The following BRD9 variants were observed in gnomAD, a reference collection of about 807,000 sequenced individuals.
The protein encoded by BRD9 is bromodomain-containing protein 9.
A neutral mutation model predicts 68.7 loss-of-function variants in BRD9; 47 were observed. The ratio of observed to expected loss-of-function variants is 0.68; its 90% CI spans 0.54 to 0.87. BRD9 has a LOEUF of 0.87. Among genes scored for constraint, BRD9 ranks in the 40% least tolerant of loss-of-function variants. The pLI, the probability that BRD9 is intolerant of heterozygous loss-of-function variation, is 0.00. For synonymous variants in BRD9, 313 were observed against 293.9 expected (o/e 1.06, Z -0.67); for missense variants, 670 against 748.4 (o/e 0.90, Z 1.22).
At position 887,611 on chromosome 5, in the gene BRD9, T is replaced by C. The variant is rs73733977; in HGVS notation, c.607-140A>G. 3.1e-3 allele frequency: 2,173 copies of C among 701,612 alleles called. 34 individuals are homozygous for C. In the African/African-American group the frequency reaches 0.035, roughly 11 times the overall value. The allele number at this position is 701,612 out of a possible 1,614,324, so 43.5% of individuals were successfully genotyped here. A position where few individuals can be genotyped will look rare whatever the true frequency, so the allele number is the denominator to read the frequency against. The stretch of plus-strand genomic sequence containing the variant: ...TCAACTGGGCTCTCTGATCTAAACA[T>C]AACGTTTAAGAACTTAAGAGAAGTT... On this transcript the variant is annotated intron_variant, in intron 5 of 15. Transcript: ENST00000467963.
At chr5:883,184 C>T in intron 8 of BRD9, 1 of 382,836 alleles carries the variant, frequency 2.6e-6, no homozygotes, top group African/African-American at 2.1e-5. Context: ...GCAGACACCT[C>T]TGAAATGCCC....
chr5:876,470 C>A (rs763626965), intron 11 of BRD9, among the ~76,000 whole-genome samples: 2 of 152,210 alleles, frequency 1.3e-5, no homozygotes, highest in African/African-American at 4.8e-5. Context: ...TAGAAACACA[C>A]GTGTGCTATG....
chr5:865,842 C>G (rs1749307810), intron 14 of BRD9: 1 of 386,434 alleles, frequency 2.6e-6, no homozygotes, highest in Non-Finnish European at 4.6e-6. Flanking sequence ...CCGCACAGAC[C>G]ACGTCATGGC....
chr5:876,511 T>C (rs1166691540), intron 11 of BRD9, among the ~76,000 whole-genome samples: 2 of 152,166 alleles, frequency 1.3e-5, no homozygotes, highest in Admixed American at 6.5e-5. Context: ...CTCCTATCTT[T>C]CCACTCGTTA....
At chr5:868,480 A>G (rs1579903987) in intron 14 of BRD9, 1 of 152,400 alleles carries the variant, frequency 6.6e-6, no homozygotes, top group Non-Finnish European at 1.5e-5. Context: ...CTGGAAGGCA[A>G]GGCCAGCCAC....
intron 12 of BRD9, among the ~76,000 whole-genome samples, chr5:875,784 G>C (rs1199538520): frequency 2.6e-5 from 4 of 152,238 alleles, no homozygotes; most frequent in Non-Finnish European, 5.9e-5. Flanking sequence ...AGAAGCCAAT[G>C]CTGAGAGATC....
chr5:870,683 C>T lies in BRD9; in HGVS notation c.1423-108G>A. 4 of 767,238 alleles carry T rather than the reference C, an allele frequency of 5.2e-6. No homozygotes were observed. The South Asian group carries it at 6.7e-5, about 13-fold the overall frequency. 47.5% of individuals were successfully genotyped at this position (767,238 alleles called of 1,614,324 possible). ...CTCTAATTATTTGCTAAACGTGAACCCACCCCTCAGTAAGTGACAAGACCA... is the reference window on the plus strand; with the variant it reads ...CTCTAATTATTTGCTAAACGTGAACTCACCCCTCAGTAAGTGACAAGACCA... On this transcript the variant is annotated intron_variant, in intron 13 of 15. Coordinates refer to ENST00000467963, the MANE Select transcript of BRD9 (RefSeq NM_023924.5).
intron 9 of BRD9, among the ~76,000 whole-genome samples, chr5:880,705 C>CATCATCTAACAGCTCTTCTAAG (rs1751608925): frequency 2.0e-5 from 3 of 152,376 alleles, no homozygotes; most frequent in South Asian, 4.1e-4. Context: ...GTCCTGACGT[C>CATCATCTAACAGCTCTTCTAAG]ATCATCTAAC....
Position 876,173 on chromosome 5 carries a change from C to T in BRD9, c.1311G>A (p.Lys437=). Reference sequence around the variant, plus strand: ...GGTCCAGGAGGTCGTCCACCACTTTCTTGCTGTAGCTCCCAGCATCCTTCA... The same window carrying T: ...GGTCCAGGAGGTCGTCCACCACTTTTTTGCTGTAGCTCCCAGCATCCTTCA... ...EFVKDAGSYS[K]KVVDDLLDQI... is the part of the protein sequence containing the mutation. The change falls in exon 12 of 16, where the codon AAG becomes AAA. Residue 437 remains lysine, a synonymous_variant. Transcript: ENST00000467963. The T allele has an allele frequency of 6.2e-7, 1 of 1,613,964 alleles. No individual in the cohort carries two copies. The highest frequency in any genetic ancestry group is 8.5e-7 in the Non-Finnish European group (1 of 1,179,970).
intron 8 of BRD9, chr5:883,445 C>T (rs545614512): frequency 2.4e-5 from 11 of 456,562 alleles, no homozygotes; most frequent in East Asian, 6.9e-5. Flanking sequence ...GGGTCTAGAA[C>T]GTCTCCTGCC....
At chr5:871,077 C>T in intron 13 of BRD9, among the ~76,000 whole-genome samples, 1 of 152,242 alleles carries the variant, frequency 6.6e-6, no homozygotes, top group East Asian at 1.9e-4. Context: ...CCCAGGGACC[C>T]TGGACCAAAG....
chr5:863,763 G>C lies in BRD9; in HGVS notation c.*705C>G. 6.6e-6 allele frequency: 1 copy of C among 152,216 alleles called. No homozygotes were observed. 9.4% of individuals were successfully genotyped at this position (152,216 alleles called of 1,614,324 possible). A position where few individuals can be genotyped will look rare whatever the true frequency, so the allele number is the denominator to read the frequency against. On this transcript the variant is annotated 3_prime_UTR_variant, in exon 16 of 16. Coordinates refer to ENST00000467963, the MANE Select transcript of BRD9 (RefSeq NM_023924.5). ...ACACCCAGTTAGAAAACGTTTTATG[G>C]ACACGGAACGCTCCACTGTAACGGG...
chr5:881,273 G>A, intron 8 of BRD9, 91 bp from the exon 9 acceptor site: 2 of 1,228,148 alleles, frequency 1.6e-6, no homozygotes, highest in South Asian at 1.3e-5. Flanking sequence ...CTTAATGGGG[G>A]TGAAAGCACA....
intron 15 of BRD9, among the ~76,000 whole-genome samples, chr5:864,894 C>A (rs1749122404): frequency 6.6e-6 from 1 of 152,184 alleles, no homozygotes; most frequent in Non-Finnish European, 1.5e-5. Context: ...GACCTACGGC[C>A]CTCCAAAGCC....
intron 2 of BRD9, 116 bp downstream of exon 2, chr5:891,524 C>T (rs1009793399): frequency 3.5e-6 from 5 of 1,446,638 alleles, no homozygotes; most frequent in Non-Finnish European, 4.5e-6. Context: ...TTGCTACCAA[C>T]GGAACACCCC....
rs554389138 is a variant in BRD9 at position 877,048 on chromosome 5, C to T, written c.1272-836G>A. Among the ~76,000 whole-genome samples, 10 of 152,322 alleles carry T rather than the reference C, an allele frequency of 6.6e-5. No homozygotes were observed. In the South Asian group the frequency reaches 1.9e-3, roughly 28 times the overall value. On this transcript the variant is annotated intron_variant, in intron 11 of 15. Transcript: ENST00000467963. The stretch of plus-strand genomic sequence containing the variant: ...GTTGCCCCTGCAGCCACAAGGCAGG[C>T]GGGGTCAGAATGATCTTTCTTCACG...
At chr5:888,298 G>A (rs1752862305) in intron 5 of BRD9, 1 of 152,380 alleles carries the variant, frequency 6.6e-6, no homozygotes, top group Non-Finnish European at 1.5e-5. Flanking sequence ...TTCGGGCATG[G>A]AGTGCTCTTA....
intron 3 of BRD9, 100 bp downstream of exon 3, chr5:891,055 C>G: frequency 7.1e-7 from 1 of 1,400,804 alleles, no homozygotes; most frequent in South Asian, 1.5e-5. Context: ...GCTCTCCTCC[C>G]TCCCATGCTT....
At chr5:892,522 C>T in intron 1 of BRD9, 84 bp downstream of exon 1, 3 of 1,500,780 alleles carry the variant, frequency 2.0e-6, no homozygotes, top group South Asian at 1.3e-5. Context: ...GCCCGGTGCC[C>T]AGGACCCCCG....
Sources: gnomAD v4.1 joint callset for allele counts (sites outside exome capture counted in the v4.1 genomes callset) on GRCh38, gnomAD v4.1.1 for gene constraint, MANE v1.5 for transcripts, NCBI Gene and HGNC (gene_info 2026-07-23, HGNC 2026-07-21) for gene names.